The following NFASC variants were observed in gnomAD, a reference collection of about 807,000 sequenced individuals.
The protein encoded by NFASC is neurofascin homolog.
Under a neutral mutation model 147.5 loss-of-function variants are expected in NFASC, and 43 were observed. That is an observed-to-expected ratio of 0.29 (90% CI 0.23 to 0.38). The LOEUF (loss-of-function observed/expected upper bound fraction) is 0.38. Among genes scored for constraint, NFASC ranks in the 10% least tolerant of loss-of-function variants. NFASC has a pLI of 1.00. For synonymous variants in NFASC, 622 were observed against 665.5 expected (o/e 0.93, Z 1.01); for missense variants, 1,320 against 1,689.0 (o/e 0.78, Z 3.83).
At chr1:204,984,127 G>A (rs140129593) in intron 21 of NFASC, 23 of 1,613,286 alleles carry the variant, frequency 1.4e-5, no homozygotes, top group Non-Finnish European at 1.5e-5. Flanking sequence ...TCCAGGGCCA[G>A]CTCAGAGAGT....
At chr1:204,992,453 G>A (rs975681486) in intron 24 of NFASC, among the ~76,000 whole-genome samples, 19 of 151,976 alleles carry the variant, frequency 1.3e-4, no homozygotes, top group South Asian at 2.1e-4. Flanking sequence ...TATGTTTTGC[G>A]GCCAGATCTG....
chr1:204,885,321 G>A (rs2081108808), intron 1 of NFASC, among the ~76,000 whole-genome samples: 1 of 152,108 alleles, frequency 6.6e-6, no homozygotes, highest in Non-Finnish European at 1.5e-5. Flanking sequence ...CCGTGGGCCA[G>A]CAGAAGTCCT....
chr1:204,996,730 A>G (rs1416976985), intron 24 of NFASC, among the ~76,000 whole-genome samples: 2 of 152,102 alleles, frequency 1.3e-5, no homozygotes, highest in African/African-American at 4.8e-5. Context: ...TCTGCTGGAC[A>G]GGGCCCCACC....
intron 21 of NFASC, chr1:204,984,052 T>G (rs2095558863): frequency 6.2e-7 from 1 of 1,613,894 alleles, no homozygotes; most frequent in East Asian, 2.2e-5. Flanking sequence ...CCACTGAAGT[T>G]AAAGTCCGAG....
intron 28 of NFASC, among the ~76,000 whole-genome samples, chr1:205,011,808 G>A (rs1417162838): frequency 2.6e-5 from 4 of 152,212 alleles, no homozygotes; most frequent in South Asian, 4.1e-4. Context: ...GGCCGGGCGC[G>A]GTGGCTCACG....
chr1:204,887,084 C>T (rs2081435200), intron 1 of NFASC, among the ~76,000 whole-genome samples: 1 of 152,030 alleles, frequency 6.6e-6, no homozygotes, highest in East Asian at 1.9e-4. Context: ...TCTACATTGC[C>T]GCCATCCATC....
rs990045589 is a variant in NFASC at position 205,019,517 on chromosome 1, T to A, written c.*2978T>A. On this transcript the variant is annotated 3_prime_UTR_variant, in exon 30 of 30. Coordinates refer to ENST00000339876, the MANE Select transcript of NFASC (RefSeq NM_001005388.3). The stretch of plus-strand genomic sequence containing the variant: ...CATTCATTCAGCAAATAATCTGAAA[T>A]CCAGTCTGAACTAAGGCCTGAGCTG... The A allele has an allele frequency of 1.5e-5, 2 of 131,714 alleles. No individual in the cohort carries two copies. Among genetic ancestry groups the A allele is most frequent in the African/African-American group, 6.2e-5 (2 of 32,448 alleles). The allele number at this position is 131,714 out of a possible 1,614,324, so 8.2% of individuals were successfully genotyped here.
chr1:204,916,090 T>C (rs2089188646), intron 1 of NFASC, among the ~76,000 whole-genome samples: 1 of 152,112 alleles, frequency 6.6e-6, no homozygotes, highest in African/African-American at 2.4e-5. Context: ...ACGAATGAGG[T>C]GTCTGCAGCG....
intron 17 of NFASC, 117 bp from the exon 18 acceptor site, chr1:204,978,851 G>T: frequency 1.4e-6 from 1 of 730,092 alleles, no homozygotes; most frequent in Non-Finnish European, 2.3e-6. Flanking sequence ...GGGCAGGCTG[G>T]GGTTGGATCC....
intron 8 of NFASC, among the ~76,000 whole-genome samples, chr1:204,965,771 G>T (rs2094916285): frequency 6.6e-6 from 1 of 152,234 alleles, no homozygotes; most frequent in African/African-American, 2.4e-5. Flanking sequence ...GAAGCTGACT[G>T]TCAGAAGTAG....
rs559585802 is a variant in NFASC at position 204,993,707 on chromosome 1, C to T, written c.2782+2401C>T. ...GCTGATGGTCTCCACTGAGCACTGG[C>T]CAGGATTGCTTCCAAACCTGTAGCT... On this transcript the variant is annotated intron_variant, in intron 24 of 29. Coordinates refer to ENST00000339876, the MANE Select transcript of NFASC (RefSeq NM_001005388.3). The T allele has an allele frequency of 6.8e-4, 346 of 505,366 alleles. 1 individual carries two copies. The highest frequency in any genetic ancestry group is 4.2e-3 in the Middle Eastern group (13 of 3,122). The allele number at this position is 505,366 out of a possible 1,614,324, so 31.3% of individuals were successfully genotyped here.
Position 205,016,217 on chromosome 1 carries a change from C to T in NFASC, c.3492-91C>T. 1 of 882,720 alleles carries T rather than the reference C, an allele frequency of 1.1e-6. No individual in the cohort carries two copies. Among genetic ancestry groups the T allele is most frequent in the Non-Finnish European group, 1.9e-6 (1 of 531,938 alleles). 54.7% of individuals were successfully genotyped at this position (882,720 alleles called of 1,614,324 possible). On this transcript the variant is annotated intron_variant, in intron 29 of 29. Transcript: ENST00000339876. The surrounding 1 kb of genome is among the most constrained non-coding windows in gnomAD (Gnocchi z 5.1). ...CTGGACTGGGCGGTCTCCTGGATCC[C>T]ATCCTCTCTGAGCTGTGTAGGGCAT...
intron 21 of NFASC, among the ~76,000 whole-genome samples, chr1:204,982,743 A>C (rs541601421): frequency 6.6e-6 from 1 of 152,328 alleles, no homozygotes; most frequent in Admixed American, 6.5e-5. Context: ...GGTGTCGGGG[A>C]GTCCCCTCCT....
At chr1:205,001,857 C>G (rs1177767298) in intron 26 of NFASC, among the ~76,000 whole-genome samples, 2 of 152,154 alleles carry the variant, frequency 1.3e-5, no homozygotes, top group Non-Finnish European at 2.9e-5. Flanking sequence ...GGACCCTGTT[C>G]CTACAGGGTC....
At chr1:204,985,464 G>A (rs185572687) in intron 21 of NFASC, among the ~76,000 whole-genome samples, 39 of 152,316 alleles carry the variant, frequency 2.6e-4, no homozygotes, top group East Asian at 2.1e-3. Context: ...GCTGCCTGCC[G>A]TCAATCTAAA....
At chr1:204,973,504 CTT>C in intron 12 of NFASC, 85 bp downstream of exon 12, 1 of 1,509,962 alleles carries the variant, frequency 6.6e-7, no homozygotes, top group Non-Finnish European at 9.0e-7. Flanking sequence ...GTGGGGCACA[CTT>C]TCTTCTCCGG....
intron 2 of NFASC, among the ~76,000 whole-genome samples, chr1:204,931,755 C>T (rs367896870): frequency 3.6e-4 from 54 of 152,088 alleles, no homozygotes; most frequent in African/African-American, 8.9e-4. Context: ...ACTCACTCTC[C>T]CTTCTGTGTT....
At chr1:205,014,261 A>C (rs2096304561) in intron 29 of NFASC, among the ~76,000 whole-genome samples, 1 of 152,042 alleles carries the variant, frequency 6.6e-6, no homozygotes, top group Non-Finnish European at 1.5e-5. Flanking sequence ...GTCTACACGC[A>C]CAGGAGCATG....
chr1:204,883,769 C>G (rs2080774375), intron 1 of NFASC, among the ~76,000 whole-genome samples: 1 of 152,186 alleles, frequency 6.6e-6, no homozygotes, highest in African/African-American at 2.4e-5. Flanking sequence ...GGCAGGGCAG[C>G]TTCCATAGTC....
Sources: allele counts gnomAD v4.1 joint callset (sites outside exome capture counted in the v4.1 genomes callset), GRCh38; gene constraint gnomAD v4.1.1; non-coding constraint Gnocchi (gnomAD v3.1); transcripts MANE v1.5; gene names NCBI Gene and HGNC (gene_info 2026-07-23, HGNC 2026-07-21).